Variants in ERG observed in about 807,000 individuals in gnomAD.
ERG encodes transcriptional regulator ERG.
In ERG, 9 loss-of-function variants were observed where a neutral mutation model predicts 55.3. The ratio of observed to expected loss-of-function variants is 0.16; its 90% CI spans 0.10 to 0.28. The LOEUF is 0.28. Ranked by LOEUF, ERG falls within the 10% of genes least tolerant of loss-of-function variation. The pLI is 1.00. For synonymous variants in ERG, 223 were observed against 237.3 expected, an observed-to-expected ratio of 0.94 and a Z score of 0.55; for missense variants, 434 against 631.6, an observed-to-expected ratio of 0.69 and a Z score of 3.35.
At chr21:38,406,625 TTTTGC>T (rs1007657294) in intron 3 of ERG, among the ~76,000 whole-genome samples, 1 of 152,154 alleles carries the variant, frequency 6.6e-6, no homozygotes, top group African/African-American at 2.4e-5. Flanking sequence ...TTTTGTTTTG[TTTTGC>T]TTTGCTTTTA....
intron 3 of ERG, among the ~76,000 whole-genome samples, chr21:38,416,192 C>T (rs1249696366): frequency 6.6e-6 from 1 of 152,210 alleles, no homozygotes; most frequent in Non-Finnish European, 1.5e-5. Context: ...TGTCTGTCCT[C>T]TACCTGTGCT....
chr21:38,528,076 C>T (rs1478614867), intron 2 of ERG, among the ~76,000 whole-genome samples: 1 of 152,206 alleles, frequency 6.6e-6, no homozygotes, highest in Non-Finnish European at 1.5e-5. Flanking sequence ...CTTCTGGGGG[C>T]TGCTGCAGTC....
intron 1 of ERG, among the ~76,000 whole-genome samples, chr21:38,451,953 TTTC>T (rs1335067593): frequency 6.6e-6 from 1 of 152,272 alleles, no homozygotes; most frequent in Non-Finnish European, 1.5e-5. Flanking sequence ...ATGATTTTCT[TTTC>T]TTCTTAATTC....
chr21:38,529,910 G>A (rs993076295), intron 2 of ERG, among the ~76,000 whole-genome samples: 1 of 151,982 alleles, frequency 6.6e-6, no homozygotes, highest in Non-Finnish European at 1.5e-5. Context: ...AAGTTGCAGT[G>A]AACCGAGATC....
intron 2 of ERG, among the ~76,000 whole-genome samples, chr21:38,569,983 C>T (rs2059947576): frequency 6.6e-6 from 1 of 152,018 alleles, no homozygotes; most frequent in South Asian, 2.1e-4. Flanking sequence ...TTTATGTATC[C>T]ACTTTTCTGT....
At chr21:38,408,084 A>G (rs1988858466) in intron 3 of ERG, among the ~76,000 whole-genome samples, 2 of 152,276 alleles carry the variant, frequency 1.3e-5, no homozygotes, top group African/African-American at 4.8e-5. Context: ...TCCTTTTAGC[A>G]TTTGATCTCC....
At chr21:38,424,185 G>A (rs78655091) in intron 2 of ERG, among the ~76,000 whole-genome samples, 2 of 58,560 alleles carry the variant, frequency 3.4e-5, no homozygotes, top group African/African-American at 8.1e-5. Flanking sequence ...ACCAGAGCTC[G>A]AGCTCTCTCT....
chr21:38,614,657 G>A (rs573847795), intron 1 of ERG, among the ~76,000 whole-genome samples: 2 of 152,302 alleles, frequency 1.3e-5, no homozygotes, highest in South Asian at 2.1e-4. Context: ...GGGGACGAAC[G>A]GCTTCCTTGA....
At chr21:38,526,608 T>C (rs1301844432) in intron 2 of ERG, among the ~76,000 whole-genome samples, 1 of 152,190 alleles carries the variant, frequency 6.6e-6, no homozygotes, top group Non-Finnish European at 1.5e-5. Flanking sequence ...GATTTATATA[T>C]AAATGCACAT....
At chr21:38,644,950 A>C (rs1469827103) in intron 1 of ERG, among the ~76,000 whole-genome samples, 1 of 152,112 alleles carries the variant, frequency 6.6e-6, no homozygotes, top group Non-Finnish European at 1.5e-5. Flanking sequence ...TGAGCCCAGG[A>C]GTTAGAGAGC....
At chr21:38,429,406 CATACGCACATATAA>C (rs1366476565) in intron 2 of ERG, among the ~76,000 whole-genome samples, 2 of 139,606 alleles carry the variant, frequency 1.4e-5, no homozygotes, top group African/African-American at 2.6e-5. Flanking sequence ...TACACATGTA[CATACGCACATATAA>C]ACATGTGTGT....
chr21:38,638,618 T>C (rs2060404916), intron 1 of ERG, among the ~76,000 whole-genome samples: 1 of 152,120 alleles, frequency 6.6e-6, no homozygotes, highest in Admixed American at 6.5e-5. Flanking sequence ...AGAATGGCAG[T>C]TGATGAGTGA....
intron 2 of ERG, among the ~76,000 whole-genome samples, chr21:38,506,852 T>C (rs1478543339): frequency 6.6e-6 from 1 of 152,164 alleles, no homozygotes; most frequent in African/African-American, 2.4e-5. Flanking sequence ...CGGTTTAGGA[T>C]ACATTTTCCT....
chr21:38,629,315 A>G (rs2060343639), intron 1 of ERG, among the ~76,000 whole-genome samples: 1 of 152,276 alleles, frequency 6.6e-6, no homozygotes, highest in Admixed American at 6.5e-5. Flanking sequence ...CTAGGTCTCT[A>G]TGAAAGGTGC....
At chr21:38,534,269 T>A (rs2059693547) in intron 2 of ERG, among the ~76,000 whole-genome samples, 1 of 152,110 alleles carries the variant, frequency 6.6e-6, no homozygotes, top group Non-Finnish European at 1.5e-5. Context: ...AAAAAACAAT[T>A]TGTGATTTTT....
At chr21:38,543,511 G>GAATAT (rs2059768131) in intron 2 of ERG, among the ~76,000 whole-genome samples, 1 of 151,964 alleles carries the variant, frequency 6.6e-6, no homozygotes, top group Non-Finnish European at 1.5e-5. Context: ...TTTATAGCCA[G>GAATAT]GTAATTCAAT....
At chr21:38,445,828 T>C (rs532997580) in intron 1 of ERG, among the ~76,000 whole-genome samples, 1 of 152,166 alleles carries the variant, frequency 6.6e-6, no homozygotes, top group African/African-American at 2.4e-5. Flanking sequence ...GAAAAACTTT[T>C]ATGCAGGTCT....
At chr21:38,607,634 G>A (rs896001826) in intron 1 of ERG, among the ~76,000 whole-genome samples, 10 of 151,372 alleles carry the variant, frequency 6.6e-5, no homozygotes, top group African/African-American at 1.2e-4. Context: ...GCCAGACTCC[G>A]TCTCAAAAAA....
upstream of ERG, among the ~76,000 whole-genome samples, chr21:38,586,383 T>A (rs1045193384): frequency 1.3e-5 from 2 of 152,138 alleles, no homozygotes; most frequent in African/African-American, 4.8e-5. Context: ...ATCATAGGTC[T>A]ATTCAAGTTC....
Sources: allele counts gnomAD v4.1 joint callset (sites outside exome capture counted in the v4.1 genomes callset), GRCh38; gene constraint gnomAD v4.1.1; transcripts MANE v1.5; gene names NCBI Gene and HGNC (gene_info 2026-07-23, HGNC 2026-07-21).